Variants in SRI observed in about 807,000 individuals in gnomAD.
SRI encodes the protein 22 kDa protein.
In SRI, 30 loss-of-function variants were observed where a neutral mutation model predicts 33.3. That is an observed-to-expected ratio of 0.90 (90% CI 0.67 to 1.22). The LOEUF (loss-of-function observed/expected upper bound fraction) is 1.22. SRI is among the 50% of genes most tolerant of loss of function. SRI has a pLI of 0.00. For synonymous variants in SRI, 75 were observed against 89.9 expected, an observed-to-expected ratio of 0.83 and a Z score of 0.94; for missense variants, 243 against 250.8, an observed-to-expected ratio of 0.97 and a Z score of 0.21.
At chr7:88,226,881 T>C in intron 1 of SRI, 1 of 1,609,980 alleles carries the variant, frequency 6.2e-7, no homozygotes, top group Non-Finnish European at 8.5e-7. Context: ...TGGAATAGTC[T>C]AATATTATAT....
chr7:88,206,150 T>C lies in SRI; in HGVS notation c.*328A>G, dbSNP rs920837645. 2 of 356,092 alleles carry C rather than the reference T, an allele frequency of 5.6e-6. No homozygotes were observed. Among genetic ancestry groups the C allele is most frequent in the African/African-American group, 2.1e-5 (1 of 48,300 alleles). 22.1% of individuals were successfully genotyped at this position (356,092 alleles called of 1,614,324 possible). On this transcript the variant is annotated 3_prime_UTR_variant, in exon 8 of 8. Coordinates refer to ENST00000265729, the MANE Select transcript of SRI (RefSeq NM_003130.4). ...CAGCTGTAGTCTGATTAACAGTTTTTAGTGTCTCACAATGAAAAATAAATA... is the reference window on the plus strand; with the variant it reads ...CAGCTGTAGTCTGATTAACAGTTTTCAGTGTCTCACAATGAAAAATAAATA...
At chr7:88,211,036 T>C (rs1717234616) in intron 3 of SRI, 111 bp from the exon 4 acceptor site, 2 of 864,436 alleles carry the variant, frequency 2.3e-6, no homozygotes, top group East Asian at 2.7e-5. Context: ...TTTATTTTTA[T>C]ATGCTATCAA....
Position 88,216,374 on chromosome 7 carries a change from G to A in SRI, c.205+748C>T, listed in dbSNP as rs150546284. On this transcript the variant is annotated intron_variant, in intron 3 of 7. Coordinates refer to ENST00000265729, the MANE Select transcript of SRI (RefSeq NM_003130.4). ...GTAAGGGCTGAATTATGGAGCAGCA[G>A]GTCCAGTAAGTAGAAAGGCCACTTC... 1.3e-3 allele frequency among the ~76,000 whole-genome samples: 205 copies of A among 152,226 alleles called. 2 individuals are homozygous for A. The highest frequency in any genetic ancestry group is 4.7e-3 in the African/African-American group (197 of 41,524).
At chr7:88,210,799 G>T in intron 4 of SRI, 83 bp downstream of exon 4, 2 of 1,298,440 alleles carry the variant, frequency 1.5e-6, no homozygotes, top group South Asian at 1.3e-5. Context: ...ATTACTTTGT[G>T]TTTACTAGAT....
rs1851420113 is a variant in SRI, at chr7:88,205,448, A to G, written c.*1030T>C. On this transcript the variant is annotated 3_prime_UTR_variant, in exon 8 of 8. Coordinates refer to ENST00000265729, the MANE Select transcript of SRI (RefSeq NM_003130.4). ...ACCAAACCACATAGTAAGAGGCACA[A>G]GCCAGCATTAGAATTCAGATCTTAC... The G allele has an allele frequency of 1.3e-5, 2 of 152,234 alleles. No individual in the cohort carries two copies. The allele number at this position is 152,234 out of a possible 1,614,324, so 9.4% of individuals were successfully genotyped here.
intron 7 of SRI, among the ~76,000 whole-genome samples, chr7:88,207,265 A>G (rs1008861762): frequency 6.6e-6 from 1 of 152,220 alleles, no homozygotes; most frequent in African/African-American, 2.4e-5. Flanking sequence ...CTTTCTTTCC[A>G]TTCCCCAGGC....
upstream of SRI, among the ~76,000 whole-genome samples, chr7:88,224,747 T>C (rs1208883253): frequency 6.6e-6 from 1 of 152,206 alleles, no homozygotes; most frequent in African/African-American, 2.4e-5. Context: ...CCACTATTGA[T>C]GTTTTAGTGC....
At chr7:88,220,123 C>T (rs1851853549), upstream of SRI, 2 of 1,370,754 alleles carry the variant, frequency 1.5e-6, no homozygotes, top group South Asian at 1.7e-5. Context: ...CCCCAGAGCG[C>T]ACCACGCGGG....
At chr7:88,226,265 C>G (rs949110875) in intron 1 of SRI, among the ~76,000 whole-genome samples, 1 of 152,104 alleles carries the variant, frequency 6.6e-6, no homozygotes, top group African/African-American at 2.4e-5. Flanking sequence ...TTCTTTAAAG[C>G]CTTCATTGTT....
upstream of SRI, among the ~76,000 whole-genome samples, chr7:88,220,357 C>A (rs1451568517): frequency 6.8e-6 from 1 of 147,362 alleles, no homozygotes; most frequent in Non-Finnish European, 1.5e-5. Context: ...CCCAGGAATT[C>A]TTTTTTTTTT....
In SRI at chr7:88,210,012, T is replaced by C; in HGVS notation, c.368A>G (p.Gln123Arg). The change falls in exon 5 of 8, where the codon CAA (glutamine) becomes CGA (arginine). Residue 123 changes from glutamine to arginine, a missense_variant. Transcript: ENST00000265729. ...DTDRSGTVDP[Q>R]ELQKALTTMG... Reference sequence around the variant, plus strand: ...TGTTGTCAGGGCCTTCTGCAATTCTTGTGGGTCTACTGTTCCACTCCTGTC... The same window carrying C: ...TGTTGTCAGGGCCTTCTGCAATTCTCGTGGGTCTACTGTTCCACTCCTGTC... 1 of 1,614,172 alleles carries C rather than the reference T, an allele frequency of 6.2e-7. No homozygotes were observed. Among genetic ancestry groups the C allele is most frequent in the Non-Finnish European group, 8.5e-7 (1 of 1,180,034 alleles).
At position 88,209,466 on chromosome 7, in the gene SRI, C is replaced by T. The variant is rs1217971572; in HGVS notation, c.398-14G>A. 11 of 1,602,110 alleles carry T rather than the reference C, an allele frequency of 6.9e-6. No individual in the cohort carries two copies. The highest frequency in any genetic ancestry group is 9.4e-6 in the Non-Finnish European group (11 of 1,169,254). ...TCAACCTAAATCCTAAAAGAAAAGC[C>T]ATCCAGTAAAAAGGTTAAAGGATTG... is the stretch of plus-strand genomic sequence containing the variant. On this transcript the variant is annotated splice_polypyrimidine_tract_variant and intron_variant, in intron 5 of 7. Coordinates refer to ENST00000265729, the MANE Select transcript of SRI (RefSeq NM_003130.4).
chr7:88,207,128 C>T (rs1851453654), intron 7 of SRI, among the ~76,000 whole-genome samples: 1 of 152,190 alleles, frequency 6.6e-6, no homozygotes, highest in South Asian at 2.1e-4. Context: ...AGGTATTGTG[C>T]ACTGCTAACC....
chr7:88,226,894 AT>A, intron 1 of SRI: 6 of 1,612,650 alleles, frequency 3.7e-6, no homozygotes, highest in Non-Finnish European at 5.1e-6. Flanking sequence ...TATTATATAC[AT>A]ATCATTTACT....
intron 6 of SRI, 163 bp from the exon 7 acceptor site, chr7:88,208,728 T>G: frequency 1.9e-6 from 2 of 1,035,146 alleles, no homozygotes; most frequent in Non-Finnish European, 2.8e-6. Flanking sequence ...ACTATATGAA[T>G]AGTAAAAGAT....
upstream of SRI, among the ~76,000 whole-genome samples, chr7:88,221,151 A>T (rs1350710889): frequency 6.6e-6 from 1 of 152,198 alleles, no homozygotes; most frequent in Non-Finnish European, 1.5e-5. Flanking sequence ...ACATTTCACA[A>T]ATATTGGAGC....
rs1002435192 is a variant in SRI, at chr7:88,205,549, T to C, written c.*929A>G. On this transcript the variant is annotated 3_prime_UTR_variant, in exon 8 of 8. Coordinates refer to ENST00000265729, the MANE Select transcript of SRI (RefSeq NM_003130.4). Reference sequence around the variant, plus strand: ...GTAGTACCTGCTTACTGGAGAATGTTTGGAAAAGCAGTAAGAAGGAAGAAG... The same window carrying C: ...GTAGTACCTGCTTACTGGAGAATGTCTGGAAAAGCAGTAAGAAGGAAGAAG... 1 of 152,122 alleles carries C rather than the reference T, an allele frequency of 6.6e-6. No homozygotes were observed. The highest frequency in any genetic ancestry group is 1.5e-5 in the Non-Finnish European group (1 of 68,022). The allele number at this position is 152,122 out of a possible 1,614,324, so 9.4% of individuals were successfully genotyped here. A position where few individuals can be genotyped will look rare whatever the true frequency, so the allele number is the denominator to read the frequency against.
intron 3 of SRI, 137 bp downstream of exon 3, chr7:88,216,985 C>T: frequency 1.2e-6 from 1 of 807,294 alleles, no homozygotes; most frequent in Non-Finnish European, 2.1e-6. Flanking sequence ...TGAAATAGTA[C>T]TGTATTTTAG....
At chr7:88,222,275 A>T (rs1412828266), upstream of SRI, among the ~76,000 whole-genome samples, 1 of 150,080 alleles carries the variant, frequency 6.7e-6, no homozygotes, top group Non-Finnish European at 1.5e-5. Flanking sequence ...TGACTTCCAC[A>T]ATGGTTGAAC....
Sources: gnomAD v4.1 joint callset for allele counts (sites outside exome capture counted in the v4.1 genomes callset) on GRCh38, gnomAD v4.1.1 for gene constraint, MANE v1.5 for transcripts, NCBI Gene and HGNC (gene_info 2026-07-23, HGNC 2026-07-21) for gene names.